The following ANKH variants were observed in gnomAD, a reference collection of about 807,000 sequenced individuals.
ANKH encodes ANKH inorganic pyrophosphate transport regulator.
A neutral mutation model predicts 49.0 loss-of-function variants in ANKH; 15 were observed. The ratio of observed to expected loss-of-function variants is 0.31; its 90% confidence interval spans 0.20 to 0.47. The LOEUF is 0.47. Ranked by LOEUF, ANKH falls within the 20% of genes least tolerant of loss-of-function variation. The probability of loss-of-function intolerance (pLI) is 1.00; values close to 1 mark genes in which losing one functional copy is unlikely to be tolerated. For synonymous variants in ANKH, 273 were observed against 260.0 expected (o/e 1.05, Z -0.48); for missense variants, 429 against 652.0 (o/e 0.66, Z 3.72).
chr5:14,732,510 T>G (rs552295169), intron 8 of ANKH, among the ~76,000 whole-genome samples: 215 of 152,246 alleles, frequency 1.4e-3, no homozygotes, highest in African/African-American at 4.7e-3. Context: ...ATATAATTCA[T>G]AAAATTATTC....
chr5:14,825,668 A>C (rs915895850), intron 1 of ANKH, among the ~76,000 whole-genome samples: 5 of 152,108 alleles, frequency 3.3e-5, no homozygotes, highest in Admixed American at 1.3e-4. Flanking sequence ...CCTTTTAATA[A>C]ACATATCTTA....
intron 1 of ANKH, among the ~76,000 whole-genome samples, chr5:14,782,638 A>G (rs146725574): frequency 6.1e-4 from 93 of 152,348 alleles, no homozygotes; most frequent in African/African-American, 2.1e-3. Flanking sequence ...ATTATTTTTT[A>G]AACAGTACTA....
At chr5:14,777,714 T>C (rs1052674132) in intron 1 of ANKH, among the ~76,000 whole-genome samples, 1 of 152,180 alleles carries the variant, frequency 6.6e-6, no homozygotes, top group African/African-American at 2.4e-5. Context: ...GCTGTGCCCC[T>C]GGGGCACGGG....
intron 1 of ANKH, among the ~76,000 whole-genome samples, chr5:14,828,524 A>G (rs1741410533): frequency 6.6e-6 from 1 of 152,124 alleles, no homozygotes; most frequent in Non-Finnish European, 1.5e-5. Context: ...CTCCGTCTCA[A>G]AAACAAACAA....
intron 9 of ANKH, 75 bp downstream of exon 9, chr5:14,716,631 C>A (rs911393519): frequency 5.0e-6 from 8 of 1,593,152 alleles, no homozygotes; most frequent in Non-Finnish European, 6.0e-6. Context: ...GACATAATTG[C>A]AAACATTTCC....
At chr5:14,868,666 C>G (rs1735728478) in intron 1 of ANKH, 1 of 151,610 alleles carries the variant, frequency 6.6e-6, no homozygotes, top group African/African-American at 2.4e-5. Flanking sequence ...CACCTCACCT[C>G]CCAAAGTGCC....
chr5:14,721,802 C>A (rs935459957), intron 8 of ANKH, among the ~76,000 whole-genome samples: 1 of 151,822 alleles, frequency 6.6e-6, no homozygotes, highest in African/African-American at 2.4e-5. Flanking sequence ...TGGTGGCAGG[C>A]GCCTGTAGTC....
At chr5:14,842,365 C>A (rs1406851273) in intron 1 of ANKH, among the ~76,000 whole-genome samples, 1 of 152,182 alleles carries the variant, frequency 6.6e-6, no homozygotes, top group Admixed American at 6.5e-5. Flanking sequence ...CGGTCAAGGA[C>A]AGAGACCTGC....
chr5:14,848,568 A>G (rs1580115567), intron 1 of ANKH, among the ~76,000 whole-genome samples: 1 of 151,922 alleles, frequency 6.6e-6, no homozygotes, highest in Non-Finnish European at 1.5e-5. Context: ...GCTGACTTCC[A>G]CCCCTCCAGA....
At chr5:14,843,743 G>A (rs1741881666) in intron 1 of ANKH, among the ~76,000 whole-genome samples, 1 of 152,058 alleles carries the variant, frequency 6.6e-6, no homozygotes, top group African/African-American at 2.4e-5. Flanking sequence ...TCCTCAGTGT[G>A]TGCTCGCTCT....
chr5:14,787,123 A>G (rs1561055064), intron 1 of ANKH, among the ~76,000 whole-genome samples: 2 of 152,168 alleles, frequency 1.3e-5, no homozygotes, highest in South Asian at 4.2e-4. Flanking sequence ...AGACCAGCCT[A>G]ACCAACATGG....
Position 14,762,582 on chromosome 5 carries a change from C to A in ANKH, c.314-3984G>T, listed in dbSNP as rs258358. Among the ~76,000 whole-genome samples, 96 of 152,314 alleles carry A rather than the reference C, an allele frequency of 6.3e-4. 1 individual carries two copies. The East Asian group carries it at 0.018, about 28-fold the overall frequency. On this transcript the variant is annotated intron_variant, in intron 2 of 11. Coordinates refer to ENST00000284268, the MANE Select transcript of ANKH (RefSeq NM_054027.6). ...GATTTTCTAACTTCCATCTACTCTTCCCCTACATGATAGAGGAGTCTGATT... is the reference window on the plus strand; with the variant it reads ...GATTTTCTAACTTCCATCTACTCTTACCCTACATGATAGAGGAGTCTGATT...
At chr5:14,782,899 C>A (rs908181239) in intron 1 of ANKH, among the ~76,000 whole-genome samples, 1 of 152,240 alleles carries the variant, frequency 6.6e-6, no homozygotes, top group Non-Finnish European at 1.5e-5. Context: ...ACCTCTATAG[C>A]GGCCTACTGA....
At chr5:14,867,956 A>C (rs1314960569) in intron 1 of ANKH, among the ~76,000 whole-genome samples, 2 of 152,220 alleles carry the variant, frequency 1.3e-5, no homozygotes, top group African/African-American at 4.8e-5. Context: ...AATTGAAAAA[A>C]TGTGATAATA....
chr5:14,798,558 A>AT (rs921451015), intron 1 of ANKH, among the ~76,000 whole-genome samples: 3 of 151,404 alleles, frequency 2.0e-5, no homozygotes, highest in Admixed American at 6.6e-5. Flanking sequence ...TATTGGCACC[A>AT]TTTTTTCCAA....
intron 9 of ANKH, among the ~76,000 whole-genome samples, chr5:14,715,035 C>T (rs1403188325): frequency 6.6e-6 from 1 of 152,254 alleles, no homozygotes; most frequent in Non-Finnish European, 1.5e-5. Flanking sequence ...CCAGCCATTT[C>T]TCCATTTCTG....
chr5:14,751,043 G>C, intron 5 of ANKH, 26 bp downstream of exon 5: 1 of 1,612,532 alleles, frequency 6.2e-7, no homozygotes, highest in Non-Finnish European at 8.5e-7. Flanking sequence ...GTCTCAGACA[G>C]ACTGCTGTTG....
At chr5:14,851,786 C>G (rs890411580) in intron 1 of ANKH, among the ~76,000 whole-genome samples, 2 of 152,232 alleles carry the variant, frequency 1.3e-5, no homozygotes, top group Admixed American at 1.3e-4. Context: ...AGTATTTTCA[C>G]TTCCCCAAAT....
intron 2 of ANKH, among the ~76,000 whole-genome samples, chr5:14,762,792 C>T (rs1739132400): frequency 6.6e-6 from 1 of 152,188 alleles, no homozygotes; most frequent in Non-Finnish European, 1.5e-5. Flanking sequence ...AATTACCAGG[C>T]TAGCTGCCTT....
Sources: allele counts gnomAD v4.1 joint callset (sites outside exome capture counted in the v4.1 genomes callset), GRCh38; gene constraint gnomAD v4.1.1; transcripts MANE v1.5; gene names NCBI Gene and HGNC (gene_info 2026-07-23, HGNC 2026-07-21).